The following BTBD9 variants were observed in gnomAD, a reference collection of about 807,000 sequenced individuals.
BTBD9 encodes BTB/POZ domain-containing protein 9.
In BTBD9, 49 loss-of-function variants were observed where a neutral mutation model predicts 64.3. That is an observed-to-expected ratio of 0.76 (90% CI 0.61 to 0.97). The LOEUF (loss-of-function observed/expected upper bound fraction) is 0.97, where lower values mean the gene tolerates loss of function less well. BTBD9 is among the 50% of genes least tolerant of loss of function. The probability of loss-of-function intolerance (pLI) is 0.00; values close to 1 mark genes in which losing one functional copy is unlikely to be tolerated. For missense variants in BTBD9, 598 were observed against 762.1 expected (o/e 0.78, Z 2.53); for synonymous variants, 260 against 274.7 (o/e 0.95, Z 0.53).
intron 7 of BTBD9, among the ~76,000 whole-genome samples, chr6:38,323,512 T>C (rs1188963704): frequency 6.6e-6 from 1 of 152,150 alleles, no homozygotes; most frequent in Non-Finnish European, 1.5e-5. Flanking sequence ...GAATGCTCCT[T>C]AAAATTCTAT....
At chr6:38,194,549 T>C (rs1161976134) in intron 9 of BTBD9, among the ~76,000 whole-genome samples, 1 of 152,178 alleles carries the variant, frequency 6.6e-6, no homozygotes, top group Admixed American at 6.5e-5. Flanking sequence ...CTGTCAAATA[T>C]CCAAGTGATT....
intron 6 of BTBD9, among the ~76,000 whole-genome samples, chr6:38,533,872 G>A (rs1773901592): frequency 1.3e-5 from 2 of 151,942 alleles, no homozygotes; most frequent in Admixed American, 1.3e-4. Flanking sequence ...CAAAACCTAT[G>A]GGATTCAATG....
chr6:38,199,384 C>T (rs1762380377), intron 9 of BTBD9, among the ~76,000 whole-genome samples: 1 of 152,158 alleles, frequency 6.6e-6, no homozygotes, highest in African/African-American at 2.4e-5. Context: ...ACTGAACGAC[C>T]TTCCCTCTCT....
rs184955863 is a variant in BTBD9 at position 38,614,785 on chromosome 6, C to T, written c.-27-16664G>A. ...GTTCACTCCACCTTCATCTCTCACT[C>T]GGACCCTCACATAGTTCCTAAGTGA... is the stretch of plus-strand genomic sequence containing the variant. On this transcript the variant is annotated intron_variant, in intron 1 of 10. Coordinates refer to ENST00000481247, the MANE Select transcript of BTBD9 (RefSeq NM_001099272.2). 3.3e-5 allele frequency among the ~76,000 whole-genome samples: 5 copies of T among 152,332 alleles called. No homozygotes were observed. In the East Asian group the frequency reaches 5.8e-4, roughly 18 times the overall value.
At chr6:38,422,519 A>G (rs1054176474) in intron 6 of BTBD9, among the ~76,000 whole-genome samples, 1 of 152,134 alleles carries the variant, frequency 6.6e-6, no homozygotes, top group African/African-American at 2.4e-5. Flanking sequence ...AGTAAGGGGC[A>G]CTGGATAATA....
chr6:38,491,684 T>C (rs1771708347), intron 6 of BTBD9, among the ~76,000 whole-genome samples: 1 of 151,894 alleles, frequency 6.6e-6, no homozygotes, highest in Non-Finnish European at 1.5e-5. Context: ...CACCAATAAA[T>C]ACATTCTTTA....
intron 6 of BTBD9, among the ~76,000 whole-genome samples, chr6:38,360,834 A>G (rs1470174731): frequency 6.6e-6 from 1 of 152,224 alleles, no homozygotes; most frequent in African/African-American, 2.4e-5. Flanking sequence ...GATAACGGCT[A>G]GAGGGAGACT....
chr6:38,237,625 G>A (rs1250993184), intron 9 of BTBD9, among the ~76,000 whole-genome samples: 2 of 152,142 alleles, frequency 1.3e-5, no homozygotes, highest in Admixed American at 6.5e-5. Flanking sequence ...GATGCCTACA[G>A]AAACTAATGA....
intron 7 of BTBD9, among the ~76,000 whole-genome samples, chr6:38,300,690 G>A (rs1762358055): frequency 1.3e-5 from 2 of 152,154 alleles, no homozygotes; most frequent in South Asian, 2.1e-4. Context: ...GAATGTTTGT[G>A]ATTTTTGCAC....
chr6:38,217,814 T>C (rs1489055325), intron 9 of BTBD9, among the ~76,000 whole-genome samples: 1 of 152,046 alleles, frequency 6.6e-6, no homozygotes, highest in Non-Finnish European at 1.5e-5. Context: ...CTGTCACACC[T>C]GGAAAACCCT....
intron 6 of BTBD9, among the ~76,000 whole-genome samples, chr6:38,566,231 C>A (rs1775509448): frequency 6.6e-6 from 1 of 152,066 alleles, no homozygotes; most frequent in Non-Finnish European, 1.5e-5. Flanking sequence ...AAAGATATGT[C>A]AAAATATTAA....
At chr6:38,335,965 C>T (rs1350433858) in intron 7 of BTBD9, among the ~76,000 whole-genome samples, 6 of 152,052 alleles carry the variant, frequency 3.9e-5, no homozygotes. Context: ...AAACTACTGA[C>T]CTCAGGTGAT....
chr6:38,560,425 AAT>A (rs1208724379), intron 6 of BTBD9, among the ~76,000 whole-genome samples: 8 of 152,204 alleles, frequency 5.3e-5, no homozygotes, highest in Non-Finnish European at 1.0e-4. Context: ...AAATCGATAA[AAT>A]GTTTTATTTG....
At chr6:38,220,322 T>A (rs1290585169) in intron 9 of BTBD9, among the ~76,000 whole-genome samples, 1 of 152,264 alleles carries the variant, frequency 6.6e-6, no homozygotes, top group African/African-American at 2.4e-5. Flanking sequence ...GGGAGTTTAC[T>A]CTTGGCTTTC....
intron 6 of BTBD9, among the ~76,000 whole-genome samples, chr6:38,447,283 T>C (rs1466493831): frequency 1.3e-5 from 2 of 152,196 alleles, no homozygotes; most frequent in African/African-American, 4.8e-5. Flanking sequence ...GGTCACTGTA[T>C]ATAGCAATTC....
chr6:38,245,904 C>T (rs1356733402), intron 9 of BTBD9, among the ~76,000 whole-genome samples: 1 of 152,116 alleles, frequency 6.6e-6, no homozygotes, highest in Non-Finnish European at 1.5e-5. Context: ...TTGAGGTATG[C>T]TTCATTTTTT....
intron 8 of BTBD9, among the ~76,000 whole-genome samples, chr6:38,264,816 G>C (rs1764915245): frequency 6.6e-6 from 1 of 152,136 alleles, no homozygotes; most frequent in Non-Finnish European, 1.5e-5. Flanking sequence ...GTGTGAAGTA[G>C]ACCAGGCGGC....
chr6:38,485,826 T>C lies in BTBD9; in HGVS notation c.1154+91774A>G, dbSNP rs940364938. ...TAACAAGAGAATCAGAAATGTCCTT[T>C]GAAGCTTTAAAGCCAGGCAGTGACT... On this transcript the variant is annotated intron_variant, in intron 6 of 10. Transcript: ENST00000481247. Among the ~76,000 whole-genome samples, 9 of 152,310 alleles carry C rather than the reference T, an allele frequency of 5.9e-5. No homozygotes were observed. In the South Asian group the frequency reaches 1.2e-3, roughly 21 times the overall value.
At chr6:38,312,408 C>A (rs546595701) in intron 7 of BTBD9, among the ~76,000 whole-genome samples, 1 of 152,204 alleles carries the variant, frequency 6.6e-6, no homozygotes, top group South Asian at 2.1e-4. Context: ...TTTTTAACTT[C>A]ATGTGATCCC....
Sources: allele counts gnomAD v4.1 joint callset (sites outside exome capture counted in the v4.1 genomes callset), GRCh38; gene constraint gnomAD v4.1.1; transcripts MANE v1.5; gene names NCBI Gene and HGNC (gene_info 2026-07-23, HGNC 2026-07-21).